The following FGF12 variants were observed in gnomAD, a reference collection of about 807,000 sequenced individuals.
The protein encoded by FGF12 is fibroblast growth factor 12, also known as fibroblast growth factor 12B.
A neutral mutation model predicts 23.6 loss-of-function variants in FGF12; 14 were observed. The ratio of observed to expected loss-of-function variants is 0.59; its 90% CI spans 0.39 to 0.93. FGF12 has a LOEUF of 0.93. Among genes scored for constraint, FGF12 ranks in the 40% least tolerant of loss-of-function variants. FGF12 has a pLI of 0.00. For missense variants in FGF12, 175 were observed against 217.8 expected, an observed-to-expected ratio of 0.80 and a Z score of 1.24; for synonymous variants, 62 against 77.3, an observed-to-expected ratio of 0.80 and a Z score of 1.04.
intron 2 of FGF12, among the ~76,000 whole-genome samples, chr3:192,595,228 C>T (rs543522351): frequency 1.4e-4 from 22 of 152,276 alleles, no homozygotes; most frequent in African/African-American, 4.8e-4. Flanking sequence ...ATCTTTGACA[C>T]GTTCACTGTA....
intron 2 of FGF12, among the ~76,000 whole-genome samples, chr3:192,373,176 T>G (rs557472585): frequency 6.6e-6 from 1 of 152,294 alleles, no homozygotes; most frequent in African/African-American, 2.4e-5. Flanking sequence ...GTTTATTATC[T>G]ATTTCCCACT....
At chr3:192,343,465 A>G (rs763525965) in intron 3 of FGF12, among the ~76,000 whole-genome samples, 2 of 152,158 alleles carry the variant, frequency 1.3e-5, no homozygotes, top group African/African-American at 2.4e-5. Flanking sequence ...ATCTATAATT[A>G]TAATATTCAT....
chr3:192,281,348 A>G (rs1245627065), intron 4 of FGF12, among the ~76,000 whole-genome samples: 1 of 152,070 alleles, frequency 6.6e-6, no homozygotes, highest in East Asian at 1.9e-4. Context: ...GTATCTCTGC[A>G]TCTCTCCTTC....
intron 4 of FGF12, 69 bp from the exon 5 acceptor site, chr3:192,170,725 T>A: frequency 7.5e-7 from 1 of 1,324,898 alleles, no homozygotes; most frequent in Non-Finnish European, 1.0e-6. Flanking sequence ...AATGCTTAAA[T>A]CCAATAAGCT....
intron 2 of FGF12, among the ~76,000 whole-genome samples, chr3:192,518,694 C>T (rs1330762088): frequency 6.6e-6 from 1 of 152,152 alleles, no homozygotes; most frequent in Non-Finnish European, 1.5e-5. Context: ...CGATATCTAA[C>T]ATGGCATTTT....
rs1476806791 is a variant in FGF12, at chr3:192,142,161, A to G, written c.*1848T>C. 6.6e-6 allele frequency: 1 copy of G among 152,532 alleles called. No individual in the cohort carries two copies. Among genetic ancestry groups the G allele is most frequent in the African/African-American group, 2.4e-5 (1 of 41,440 alleles). The allele number at this position is 152,532 out of a possible 1,614,324, so 9.4% of individuals were successfully genotyped here. A position where few individuals can be genotyped will look rare whatever the true frequency, so the allele number is the denominator to read the frequency against. ...TCAAAATCTTTGCCTACATGCATAC[A>G]ATTTGTTCTTCCCAACTGCTTAGGG... is the stretch of plus-strand genomic sequence containing the variant. On this transcript the variant is annotated 3_prime_UTR_variant, in exon 6 of 6. Transcript: ENST00000445105.
chr3:192,158,756 A>G (rs1173339477), intron 5 of FGF12, among the ~76,000 whole-genome samples: 5 of 139,554 alleles, frequency 3.6e-5, no homozygotes, highest in Non-Finnish European at 3.0e-5. Flanking sequence ...ATTTTCCAAG[A>G]CAATAAACTG....
chr3:192,482,491 G>C (rs909059191), intron 2 of FGF12, among the ~76,000 whole-genome samples: 8 of 152,020 alleles, frequency 5.3e-5, no homozygotes, highest in African/African-American at 1.9e-4. Flanking sequence ...AAAATTAGCT[G>C]GACGTGGTGG....
At chr3:192,648,926 A>G (rs1320972069) in intron 2 of FGF12, among the ~76,000 whole-genome samples, 1 of 152,132 alleles carries the variant, frequency 6.6e-6, no homozygotes, top group Non-Finnish European at 1.5e-5. Context: ...TTCTCAAATA[A>G]ATCAAGGAAC....
chr3:192,618,417 G>C (rs1714845830), intron 2 of FGF12, among the ~76,000 whole-genome samples: 1 of 151,990 alleles, frequency 6.6e-6, no homozygotes, highest in Admixed American at 6.6e-5. Flanking sequence ...TGTAAGGCAA[G>C]ATAATAAATA....
chr3:192,143,749 T>G lies in FGF12; in HGVS notation c.*260A>C. Reference sequence around the variant, plus strand: ...ACAGTTTAATTTAATATTTATGGAGTTCTGATTTATTTTTTCCTTTGCTTT... The same window carrying G: ...ACAGTTTAATTTAATATTTATGGAGGTCTGATTTATTTTTTCCTTTGCTTT... On this transcript the variant is annotated 3_prime_UTR_variant, in exon 6 of 6. Coordinates refer to ENST00000445105, the MANE Select transcript of FGF12 (RefSeq NM_004113.6). The G allele has an allele frequency of 2.7e-6, 1 of 370,166 alleles. No individual in the cohort carries two copies. The highest frequency in any genetic ancestry group is 4.8e-6 in the Non-Finnish European group (1 of 206,504). The allele number at this position is 370,166 out of a possible 1,614,324, so 22.9% of individuals were successfully genotyped here. A position where few individuals can be genotyped will look rare whatever the true frequency, so the allele number is the denominator to read the frequency against.
At chr3:192,633,290 C>T (rs1309758226) in intron 2 of FGF12, among the ~76,000 whole-genome samples, 1 of 152,110 alleles carries the variant, frequency 6.6e-6, no homozygotes, top group African/African-American at 2.4e-5. Flanking sequence ...AAGTGATCCG[C>T]CTGCCTCTGC....
intron 2 of FGF12, among the ~76,000 whole-genome samples, chr3:192,389,221 A>G (rs992647874): frequency 1.3e-5 from 2 of 152,134 alleles, no homozygotes; most frequent in African/African-American, 4.8e-5. Flanking sequence ...TTAGCCAGGC[A>G]TGGTGGCACA....
chr3:192,586,315 T>C (rs1713372125), intron 2 of FGF12, among the ~76,000 whole-genome samples: 1 of 152,212 alleles, frequency 6.6e-6, no homozygotes, highest in Admixed American at 6.5e-5. Flanking sequence ...AGGCTCTGGA[T>C]TCCTGCTTAT....
At chr3:192,711,636 A>G (rs900666019) in intron 2 of FGF12, among the ~76,000 whole-genome samples, 11 of 152,180 alleles carry the variant, frequency 7.2e-5, no homozygotes, top group Admixed American at 3.9e-4. Flanking sequence ...CTGTTGATCT[A>G]TGACCTTACC....
At chr3:192,428,031 T>A (rs1721746626) in intron 2 of FGF12, among the ~76,000 whole-genome samples, 1 of 152,240 alleles carries the variant, frequency 6.6e-6, no homozygotes, top group Non-Finnish European at 1.5e-5. Context: ...ATGTTAATAT[T>A]GTGTAGCAAG....
chr3:192,531,234 C>T (rs148497250), intron 2 of FGF12, among the ~76,000 whole-genome samples: 1 of 152,272 alleles, frequency 6.6e-6, no homozygotes, highest in African/African-American at 2.4e-5. Flanking sequence ...GTCCACTCCA[C>T]ATTGTAGAGA....
chr3:192,695,930 C>T (rs148140612), intron 2 of FGF12, among the ~76,000 whole-genome samples: 1,636 of 152,236 alleles, frequency 0.011, 9 homozygotes, highest in Non-Finnish European at 0.018. Flanking sequence ...GAAACCCCAT[C>T]TCTACTAAAA....
At chr3:192,287,162 A>G (rs1714498382) in intron 4 of FGF12, among the ~76,000 whole-genome samples, 2 of 152,020 alleles carry the variant, frequency 1.3e-5, no homozygotes, top group African/African-American at 2.4e-5. Context: ...TTAACGTTCA[A>G]TGTTTAGATC....
Sources: allele counts gnomAD v4.1 joint callset (sites outside exome capture counted in the v4.1 genomes callset), GRCh38; gene constraint gnomAD v4.1.1; transcripts MANE v1.5; gene names NCBI Gene and HGNC (gene_info 2026-07-23, HGNC 2026-07-21).